Variants in TM4SF4 observed in about 807,000 individuals in gnomAD.
The protein encoded by TM4SF4 is transmembrane 4 L six family member 4.
In TM4SF4, 24 loss-of-function variants were observed where a neutral mutation model predicts 24.1. The ratio of observed to expected loss-of-function variants is 1.00; its 90% CI spans 0.72 to 1.40. The LOEUF (loss-of-function observed/expected upper bound fraction) is 1.40. Ranked by LOEUF, TM4SF4 falls within the 40% of genes most tolerant of loss-of-function variation. The pLI is 0.00. For missense variants in TM4SF4, 254 were observed against 254.2 expected (o/e 1.00, Z 0.01); for synonymous variants, 113 against 97.0 (o/e 1.17, Z -0.97).
intron 4 of TM4SF4, 61 bp downstream of exon 4, chr3:149,498,972 AT>A: frequency 6.4e-7 from 1 of 1,573,196 alleles, no homozygotes; most frequent in Non-Finnish European, 8.7e-7. Context: ...GGCCACTAGC[AT>A]AAGGGAGGCC....
At chr3:149,499,016 G>C (rs958345479) in intron 4 of TM4SF4, 105 bp downstream of exon 4, 3 of 1,234,308 alleles carry the variant, frequency 2.4e-6, no homozygotes, top group Admixed American at 4.5e-5. Flanking sequence ...GGAATGAGGG[G>C]GTAAGTGTGG....
chr3:149,481,683 G>T (rs1026137823), intron 2 of TM4SF4, among the ~76,000 whole-genome samples: 8 of 152,182 alleles, frequency 5.3e-5, no homozygotes, highest in African/African-American at 1.7e-4. Flanking sequence ...AGACAGCTGG[G>T]ATCTGATGGT....
At chr3:149,484,949 T>C (rs575562981) in intron 2 of TM4SF4, among the ~76,000 whole-genome samples, 2 of 152,222 alleles carry the variant, frequency 1.3e-5, no homozygotes, top group Non-Finnish European at 2.9e-5. Flanking sequence ...TAATAATTAA[T>C]AAATATGTGT....
At position 149,497,715 on chromosome 3, in the gene TM4SF4, G is replaced by A. The variant is rs377465874; in HGVS notation, c.402-1007G>A. 6.5e-4 allele frequency among the ~76,000 whole-genome samples: 99 copies of A among 152,158 alleles called. 2 individuals carry two copies. In the South Asian group the frequency reaches 0.021, roughly 32 times the overall value. On this transcript the variant is annotated intron_variant, in intron 3 of 4. Transcript: ENST00000305354. ...GCTGGAGTGCAATGGCATGATCTTG[G>A]CTCACTGCAACCTCCACCTCCCGGG... is the stretch of plus-strand genomic sequence containing the variant.
At chr3:149,496,711 T>C (rs894589803) in intron 3 of TM4SF4, among the ~76,000 whole-genome samples, 5 of 152,104 alleles carry the variant, frequency 3.3e-5, no homozygotes, top group Non-Finnish European at 7.4e-5. Context: ...CAGGTTGCAG[T>C]GAGCCGAGAT....
At chr3:149,491,878 C>T (rs996917878) in intron 3 of TM4SF4, among the ~76,000 whole-genome samples, 3 of 152,172 alleles carry the variant, frequency 2.0e-5, no homozygotes, top group African/African-American at 7.2e-5. Context: ...AACCTCAGAG[C>T]ACTGTGTGGC....
chr3:149,493,722 A>G (rs531874606), intron 3 of TM4SF4, among the ~76,000 whole-genome samples: 5 of 152,294 alleles, frequency 3.3e-5, no homozygotes, highest in Admixed American at 1.3e-4. Flanking sequence ...CGTCCTGAAG[A>G]GAGGACAAAC....
At chr3:149,500,867 T>C (rs1488164115) in intron 4 of TM4SF4, among the ~76,000 whole-genome samples, 1 of 152,012 alleles carries the variant, frequency 6.6e-6, no homozygotes, top group East Asian at 1.9e-4. Context: ...CTACTAAAAA[T>C]ACAAAAAATT....
chr3:149,500,822 G>A (rs190002297), intron 4 of TM4SF4, among the ~76,000 whole-genome samples: 1 of 152,162 alleles, frequency 6.6e-6, no homozygotes, highest in East Asian at 1.9e-4. Context: ...GCTTTGAACT[G>A]GTCTTGACCA....
Position 149,487,871 on chromosome 3 carries a change from C to T in TM4SF4, c.401+116C>T, listed in dbSNP as rs1230292883. 20 of 1,414,588 alleles carry T rather than the reference C, an allele frequency of 1.4e-5. 1 individual carries two copies. The highest frequency in any genetic ancestry group is 1.2e-4 in the Admixed American group (6 of 49,644). The allele number at this position is 1,414,588 out of a possible 1,614,324, so 87.6% of individuals were successfully genotyped here. ...TTCATCCTTATGCAAGCCTCAGGCT[C>T]GGTGCTCCTTTGAGGCAGAGATGGA... On this transcript the variant is annotated intron_variant, in intron 3 of 4. Coordinates refer to ENST00000305354, the MANE Select transcript of TM4SF4 (RefSeq NM_004617.4).
chr3:149,482,107 A>G (rs1023529993), intron 2 of TM4SF4, among the ~76,000 whole-genome samples: 4 of 152,190 alleles, frequency 2.6e-5, no homozygotes, highest in Non-Finnish European at 4.4e-5. Flanking sequence ...GGATGATCTG[A>G]TTTTCGAGAG....
intron 2 of TM4SF4, among the ~76,000 whole-genome samples, chr3:149,485,478 A>G (rs1734099271): frequency 6.6e-6 from 1 of 152,230 alleles, no homozygotes; most frequent in African/African-American, 2.4e-5. Flanking sequence ...TTAGTCATTG[A>G]AAACATGCAA....
At chr3:149,493,487 T>C (rs928239246) in intron 3 of TM4SF4, among the ~76,000 whole-genome samples, 2 of 152,170 alleles carry the variant, frequency 1.3e-5, no homozygotes, top group Non-Finnish European at 2.9e-5. Context: ...TGGGTATATG[T>C]TCATTCATTC....
At chr3:149,500,600 A>G (rs1734399784) in intron 4 of TM4SF4, among the ~76,000 whole-genome samples, 1 of 152,246 alleles carries the variant, frequency 6.6e-6, no homozygotes, top group Non-Finnish European at 1.5e-5. Context: ...TTGAGCATTT[A>G]TATCTTGTAA....
chr3:149,489,459 A>C (rs1177697710), intron 3 of TM4SF4, among the ~76,000 whole-genome samples: 2 of 152,260 alleles, frequency 1.3e-5, no homozygotes, highest in Non-Finnish European at 2.9e-5. Context: ...AGGGAGAAAG[A>C]AAACAAAACA....
chr3:149,479,161 G>T (rs1733989111), intron 2 of TM4SF4, among the ~76,000 whole-genome samples: 1 of 152,020 alleles, frequency 6.6e-6, no homozygotes, highest in African/African-American at 2.4e-5. Context: ...GGCACCCCTA[G>T]CCTGCATTTT....
Position 149,474,859 on chromosome 3 carries a change from TG to T in TM4SF4, c.-18del. 6.3e-7 allele frequency: 1 copy of T among 1,598,908 alleles called. No individual in the cohort carries two copies. Among genetic ancestry groups the T allele is most frequent in the Non-Finnish European group, 8.5e-7 (1 of 1,173,608 alleles). On this transcript the variant is annotated 5_prime_UTR_variant, in exon 1 of 5. Transcript: ENST00000305354. ...AGTGAGGAGCTTTTGATTGCTGACC[TG>T]TGTCGTACCACCCCAGAATGTGCAC...
chr3:149,499,919 T>C (rs368357898), intron 4 of TM4SF4, among the ~76,000 whole-genome samples: 1 of 152,128 alleles, frequency 6.6e-6, no homozygotes, highest in Non-Finnish European at 1.5e-5. Context: ...AAGCATTACA[T>C]GTATATAACT....
chr3:149,487,250 C>T (rs527972605), intron 2 of TM4SF4, among the ~76,000 whole-genome samples: 3 of 151,918 alleles, frequency 2.0e-5, no homozygotes, highest in Admixed American at 1.3e-4. Context: ...GGTGAAACTC[C>T]GTCTCAAAAA....
Sources: gnomAD v4.1 joint callset for allele counts (sites outside exome capture counted in the v4.1 genomes callset) on GRCh38, gnomAD v4.1.1 for gene constraint, MANE v1.5 for transcripts, NCBI Gene and HGNC (gene_info 2026-07-23, HGNC 2026-07-21) for gene names.